TMEM117: variants seen among roughly 807,000 people sequenced by gnomAD.
The protein encoded by TMEM117 is transmembrane protein 117.
Under a neutral mutation model 52.4 loss-of-function variants are expected in TMEM117, and 27 were observed. The ratio of observed to expected loss-of-function variants is 0.51; its 90% confidence interval spans 0.38 to 0.71. The LOEUF is 0.71. Ranked by LOEUF, TMEM117 falls within the 30% of genes least tolerant of loss-of-function variation. TMEM117 has a pLI of 0.00. For synonymous variants in TMEM117, 215 were observed against 206.3 expected, an observed-to-expected ratio of 1.04 and a Z score of -0.36; for missense variants, 556 against 630.5, an observed-to-expected ratio of 0.88 and a Z score of 1.26.
intron 3 of TMEM117, among the ~76,000 whole-genome samples, chr12:44,073,014 C>G (rs776234448): frequency 4.0e-5 from 6 of 151,808 alleles, no homozygotes; most frequent in Non-Finnish European, 5.9e-5. Flanking sequence ...CGTTTGAACC[C>G]AGAAGGCAGA....
At chr12:44,096,758 A>G (rs2138061245) in intron 3 of TMEM117, among the ~76,000 whole-genome samples, 1 of 152,290 alleles carries the variant, frequency 6.6e-6, no homozygotes, top group Admixed American at 6.5e-5. Context: ...AACCATAAAA[A>G]CCCTAGAAGA....
intron 4 of TMEM117, among the ~76,000 whole-genome samples, chr12:44,196,094 GA>G (rs1014009080): frequency 2.6e-5 from 4 of 151,662 alleles, no homozygotes; most frequent in African/African-American, 9.7e-5. Flanking sequence ...CTCTTTAAAA[GA>G]AAAAATAAAA....
chr12:43,879,331 A>G (rs577366464), intron 2 of TMEM117, among the ~76,000 whole-genome samples: 1 of 152,370 alleles, frequency 6.6e-6, no homozygotes, highest in Admixed American at 6.5e-5. Flanking sequence ...AATAGAAACA[A>G]AAGTTTCCAT....
chr12:43,889,132 G>A (rs942227586), intron 2 of TMEM117, among the ~76,000 whole-genome samples: 20 of 151,192 alleles, frequency 1.3e-4, no homozygotes, highest in Non-Finnish European at 2.7e-4. Flanking sequence ...ACCCAAGCTG[G>A]AGTGCAATGG....
chr12:44,231,790 G>A (rs542849921), intron 5 of TMEM117, among the ~76,000 whole-genome samples: 1 of 151,804 alleles, frequency 6.6e-6, no homozygotes, highest in East Asian at 1.9e-4. Context: ...TGGTTTATAT[G>A]TATTTTCATA....
At chr12:44,160,141 G>A (rs535209961) in intron 4 of TMEM117, among the ~76,000 whole-genome samples, 1 of 147,952 alleles carries the variant, frequency 6.8e-6, no homozygotes, top group South Asian at 2.2e-4. Flanking sequence ...ATGTGTAGAT[G>A]TCCAATCCAC....
chr12:43,961,828 T>A (rs1313247260), intron 3 of TMEM117, among the ~76,000 whole-genome samples: 4 of 152,132 alleles, frequency 2.6e-5, no homozygotes, highest in Non-Finnish European at 2.9e-5. Context: ...ATGTAGGAAA[T>A]AATTACTTTC....
intron 4 of TMEM117, among the ~76,000 whole-genome samples, chr12:44,173,789 AT>A (rs1949082325): frequency 6.6e-6 from 1 of 152,034 alleles, no homozygotes; most frequent in Admixed American, 6.5e-5. Flanking sequence ...ATAAATTTTA[AT>A]AATAGAAGTT....
In TMEM117 at chr12:44,022,539, T is replaced by C. The variant is rs186739003; in HGVS notation, c.410+78197T>C. 7.7e-3 allele frequency among the ~76,000 whole-genome samples: 1,167 copies of C among 152,282 alleles called. 10 individuals are homozygous for C. The highest frequency in any genetic ancestry group is 0.027 in the African/African-American group (1,108 of 41,542). On this transcript the variant is annotated intron_variant, in intron 3 of 7. Coordinates refer to ENST00000266534, the MANE Select transcript of TMEM117 (RefSeq NM_032256.3). ...ATAGACATGCATATTATGTGTGTGCTTCAATAGTAAAATGAAGTACAAGTG... is the reference window on the plus strand; with the variant it reads ...ATAGACATGCATATTATGTGTGTGCCTCAATAGTAAAATGAAGTACAAGTG...
intron 2 of TMEM117, among the ~76,000 whole-genome samples, chr12:43,906,828 C>T (rs552191471): frequency 1.3e-5 from 2 of 152,092 alleles, no homozygotes; most frequent in South Asian, 4.2e-4. Context: ...TATCCTGCAC[C>T]TGGCTCGGAG....
At chr12:44,043,232 T>A (rs1450507208) in intron 3 of TMEM117, among the ~76,000 whole-genome samples, 1 of 152,172 alleles carries the variant, frequency 6.6e-6, no homozygotes, top group Non-Finnish European at 1.5e-5. Flanking sequence ...GCCTCAAATC[T>A]GCTAAGATTG....
intron 2 of TMEM117, among the ~76,000 whole-genome samples, chr12:43,845,684 C>A (rs1442258055): frequency 6.7e-6 from 1 of 149,000 alleles, no homozygotes; most frequent in Non-Finnish European, 1.5e-5. Flanking sequence ...TAATGCTATC[C>A]CTCCCCCCTC....
chr12:43,850,094 C>G (rs1412378089), intron 2 of TMEM117, among the ~76,000 whole-genome samples: 1 of 152,178 alleles, frequency 6.6e-6, no homozygotes, highest in Non-Finnish European at 1.5e-5. Flanking sequence ...GAGGCTGACA[C>G]ATCCGTTTTC....
At chr12:44,261,217 G>A (rs1464837154) in intron 5 of TMEM117, among the ~76,000 whole-genome samples, 3 of 152,148 alleles carry the variant, frequency 2.0e-5, no homozygotes, top group African/African-American at 7.2e-5. Context: ...ACTCAGTAAA[G>A]AACTGAAGGG....
chr12:44,279,425 A>G (rs1034201742), intron 5 of TMEM117, among the ~76,000 whole-genome samples: 12 of 152,210 alleles, frequency 7.9e-5, no homozygotes, highest in African/African-American at 2.9e-4. Context: ...CCCTGGGAGC[A>G]GAACACAAAT....
At chr12:44,176,140 A>G (rs1949113386) in intron 4 of TMEM117, among the ~76,000 whole-genome samples, 1 of 152,206 alleles carries the variant, frequency 6.6e-6, no homozygotes, top group South Asian at 2.1e-4. Context: ...CTCAAACATT[A>G]TTACTAATAT....
chr12:43,954,577 C>A (rs1162102419), intron 3 of TMEM117, among the ~76,000 whole-genome samples: 1 of 152,084 alleles, frequency 6.6e-6, no homozygotes, highest in Non-Finnish European at 1.5e-5. Context: ...GACCCATAAA[C>A]CCTCCTAAGA....
At chr12:43,911,753 C>T (rs558683832) in intron 2 of TMEM117, among the ~76,000 whole-genome samples, 6 of 148,134 alleles carry the variant, frequency 4.1e-5, no homozygotes, top group African/African-American at 1.5e-4. Context: ...AAAATGCTCA[C>T]CATCACTGGC....
chr12:44,254,030 A>G (rs926222032), intron 5 of TMEM117, among the ~76,000 whole-genome samples: 4 of 150,024 alleles, frequency 2.7e-5, no homozygotes, highest in Non-Finnish European at 5.9e-5. Context: ...AAAAAAAAAC[A>G]TAGAAGCAGG....
Sources: allele counts gnomAD v4.1 joint callset (sites outside exome capture counted in the v4.1 genomes callset), GRCh38; gene constraint gnomAD v4.1.1; transcripts MANE v1.5; gene names NCBI Gene and HGNC (gene_info 2026-07-23, HGNC 2026-07-21).